Variants in YPEL1 observed in about 807,000 individuals in gnomAD.
YPEL1 encodes the protein protein yippee-like 1.
A neutral mutation model predicts 17.3 loss-of-function variants in YPEL1; 7 were observed. That is an observed-to-expected ratio of 0.40 (90% CI 0.23 to 0.76). The LOEUF is 0.76. Among genes scored for constraint, YPEL1 ranks in the 30% least tolerant of loss-of-function variants. The pLI is 0.35. For missense variants in YPEL1, 91 were observed against 155.5 expected (o/e 0.59, Z 2.21); for synonymous variants, 59 against 59.6 (o/e 0.99, Z 0.05).
At chr22:21,708,993 C>T (rs1215593279) in intron 2 of YPEL1, among the ~76,000 whole-genome samples, 1 of 152,124 alleles carries the variant, frequency 6.6e-6, no homozygotes, top group Non-Finnish European at 1.5e-5. Context: ...TTTAAAACAG[C>T]TCATTGATGA....
At chr22:21,708,191 C>T (rs76940365) in intron 2 of YPEL1, among the ~76,000 whole-genome samples, 8,332 of 152,116 alleles carry the variant, frequency 0.055, 270 homozygotes, top group South Asian at 0.11. Flanking sequence ...ATCTTGCCAC[C>T]TCGCCCGGCC....
At chr22:21,720,532 C>G (rs2068271116) in intron 1 of YPEL1, among the ~76,000 whole-genome samples, 1 of 151,506 alleles carries the variant, frequency 6.6e-6, no homozygotes, top group Non-Finnish European at 1.5e-5. Flanking sequence ...ACTCTGTCAC[C>G]CAGGCTGGAG....
chr22:21,723,456 C>T (rs1165306197), intron 1 of YPEL1, among the ~76,000 whole-genome samples: 1 of 152,196 alleles, frequency 6.6e-6, no homozygotes, highest in Non-Finnish European at 1.5e-5. Flanking sequence ...CAGTCTCTGC[C>T]TCCTGGGTTC....
Position 21,703,738 on chromosome 22 carries a change from C to A in YPEL1, c.161+101G>T. On this transcript the variant is annotated intron_variant, in intron 3 of 4. Transcript: ENST00000339468. The surrounding 1 kb of genome is among the most constrained non-coding windows in gnomAD (Gnocchi z 6.1). ...GGGGGATGGTGGGTTCTTTCAGGAC[C>A]CCTAAAGACCCAGGTGATTCTACAC... The A allele has an allele frequency of 1.5e-6, 2 of 1,331,170 alleles. No homozygotes were observed. The highest frequency in any genetic ancestry group is 1.0e-6 in the Non-Finnish European group (1 of 967,144). The allele number at this position is 1,331,170 out of a possible 1,614,324, so 82.5% of individuals were successfully genotyped here.
chr22:21,710,883 C>T lies in YPEL1; in HGVS notation c.-139G>A. 1.3e-6 allele frequency: 1 copy of T among 758,756 alleles called. No homozygotes were observed. Among genetic ancestry groups the T allele is most frequent in the East Asian group, 2.5e-5 (1 of 40,806 alleles). The allele number at this position is 758,756 out of a possible 1,614,324, so 47.0% of individuals were successfully genotyped here. ...AGGAGGGCGTGTGGCACTGTCCACA[C>T]AGCTGGGACGAGAGAAAAACGTAAC... On this transcript the variant is annotated 5_prime_UTR_variant, in exon 2 of 5. In the 5' UTR this introduces an upstream ATG that the reference lacks. Coordinates refer to ENST00000339468, the MANE Select transcript of YPEL1 (RefSeq NM_013313.5).
intron 1 of YPEL1, among the ~76,000 whole-genome samples, chr22:21,719,304 TTC>T (rs1656763688): frequency 6.6e-6 from 1 of 152,226 alleles, no homozygotes. Context: ...GAAGGAAGCG[TTC>T]TGACTTCACT....
chr22:21,725,211 A>C (rs2068323114), intron 1 of YPEL1, among the ~76,000 whole-genome samples: 1 of 148,348 alleles, frequency 6.7e-6, no homozygotes, highest in African/African-American at 2.5e-5. Flanking sequence ...ACCTGGCCCT[A>C]AAATGGTAAT....
intron 1 of YPEL1, among the ~76,000 whole-genome samples, chr22:21,713,558 G>C (rs2068191886): frequency 6.6e-6 from 1 of 152,200 alleles, no homozygotes; most frequent in African/African-American, 2.4e-5. Context: ...GTGGGACTCA[G>C]AGACAGAAAG....
intron 2 of YPEL1, among the ~76,000 whole-genome samples, chr22:21,706,822 G>A (rs182386273): frequency 6.6e-6 from 1 of 152,242 alleles, no homozygotes; most frequent in East Asian, 1.9e-4. Flanking sequence ...ACTCCAGCCT[G>A]GGTGACAGGA....
intron 1 of YPEL1, among the ~76,000 whole-genome samples, chr22:21,714,785 G>C (rs2068205102): frequency 1.3e-5 from 2 of 151,208 alleles, no homozygotes; most frequent in Admixed American, 1.3e-4. Context: ...TAACACTTCT[G>C]CTGCCTGGCA....
chr22:21,715,852 C>T (rs1601633338), intron 1 of YPEL1, among the ~76,000 whole-genome samples: 1 of 151,060 alleles, frequency 6.6e-6, no homozygotes, highest in South Asian at 2.1e-4. Context: ...CAACCTCCAC[C>T]TCCCGGGTTC....
At chr22:21,725,028 C>T (rs2068320934) in intron 1 of YPEL1, among the ~76,000 whole-genome samples, 1 of 151,794 alleles carries the variant, frequency 6.6e-6, no homozygotes, top group Admixed American at 6.6e-5. Flanking sequence ...CTGCCTCAGC[C>T]TCCCAAGTAG....
At chr22:21,706,161 T>C (rs2068113813) in intron 2 of YPEL1, among the ~76,000 whole-genome samples, 1 of 150,202 alleles carries the variant, frequency 6.7e-6, no homozygotes, top group Admixed American at 6.7e-5. Flanking sequence ...CTGGGCGCGG[T>C]GGTTCATGCC....
chr22:21,701,123 C>T lies in YPEL1; in HGVS notation c.*6G>A, dbSNP rs78391197. On this transcript the variant is annotated 3_prime_UTR_variant, in exon 5 of 5. Transcript: ENST00000339468. ...AGCATTCAAAGGAGAAGGGAAAGTT[C>T]GCACATTACTCCCAGCCATTGTCTT... 1.7e-3 allele frequency: 2,801 copies of T among 1,611,720 alleles called. 81 individuals carry two copies. The East Asian group carries it at 0.055, about 32-fold the overall frequency.
intron 4 of YPEL1, 119 bp from the exon 5 acceptor site, chr22:21,701,337 G>C: frequency 1.4e-6 from 1 of 709,936 alleles, no homozygotes; most frequent in South Asian, 1.8e-5. Context: ...GATGTTCCCT[G>C]AGCGGTGCAC....
chr22:21,729,436 C>A (rs1290667819), intron 1 of YPEL1, among the ~76,000 whole-genome samples: 1 of 140,192 alleles, frequency 7.1e-6, no homozygotes, highest in African/African-American at 2.6e-5. Context: ...GCAAGACCCC[C>A]ATCTCTAAAA....
intron 1 of YPEL1, among the ~76,000 whole-genome samples, chr22:21,734,212 T>C (rs969690053): frequency 4.6e-5 from 7 of 152,184 alleles, no homozygotes; most frequent in Admixed American, 1.3e-4. Context: ...AGTGAGACCC[T>C]GTCTCAAACA....
intron 1 of YPEL1, among the ~76,000 whole-genome samples, chr22:21,727,630 T>C (rs2068347751): frequency 6.6e-6 from 1 of 152,248 alleles, no homozygotes; most frequent in Non-Finnish European, 1.5e-5. Flanking sequence ...CATGTCCATA[T>C]GGTGCCGGTA....
chr22:21,710,541 T>C, intron 2 of YPEL1, 87 bp downstream of exon 2: 1 of 1,151,068 alleles, frequency 8.7e-7, no homozygotes, highest in Non-Finnish European at 1.3e-6. Context: ...CAGGAAGTCA[T>C]GTGATGCTTA....
Sources: allele counts gnomAD v4.1 joint callset (sites outside exome capture counted in the v4.1 genomes callset), GRCh38; gene constraint gnomAD v4.1.1; non-coding constraint Gnocchi (gnomAD v3.1); transcripts MANE v1.5; gene names NCBI Gene and HGNC (gene_info 2026-07-23, HGNC 2026-07-21).